PLXNC1: variants seen among roughly 807,000 people sequenced by gnomAD.
PLXNC1 encodes the protein plexin-C1.
In PLXNC1, 75 loss-of-function variants were observed where a neutral mutation model predicts 178.2. The ratio of observed to expected loss-of-function variants is 0.42; its 90% confidence interval spans 0.35 to 0.51. PLXNC1 has a LOEUF of 0.51. PLXNC1 is among the 20% of genes least tolerant of loss of function. The probability of loss-of-function intolerance (pLI) is 0.02; values close to 1 mark genes in which losing one functional copy is unlikely to be tolerated. For missense variants in PLXNC1, 1,503 were observed against 1,984.4 expected (o/e 0.76, Z 4.61); for synonymous variants, 790 against 779.9 (o/e 1.01, Z -0.22).
chr12:94,167,642 A>G (rs1961665996), intron 1 of PLXNC1, among the ~76,000 whole-genome samples: 1 of 152,146 alleles, frequency 6.6e-6, no homozygotes. Flanking sequence ...ACAGTGATCT[A>G]TTGTTCCAAC....
chr12:94,149,154 C>G lies in PLXNC1; in HGVS notation c.183C>G (p.Ser61Arg). ...ASQEDGVFVA[S>R]GSCLDQLDYS... is the part of the protein sequence containing the mutation. ...AGGAGGACGGCGTGTTTGTGGCGAG[C>G]GGCAGCTGCCTGGACCAGCTGGACT... The change falls in exon 1 of 31, where the codon AGC (serine) becomes AGG (arginine). Residue 61 changes from serine to arginine, a missense_variant. Coordinates refer to ENST00000258526, the MANE Select transcript of PLXNC1 (RefSeq NM_005761.3). 1 of 1,590,294 alleles carries G rather than the reference C, an allele frequency of 6.3e-7. No homozygotes were observed. Among genetic ancestry groups the G allele is most frequent in the Non-Finnish European group, 8.5e-7 (1 of 1,172,660 alleles).
At chr12:94,248,453 T>C in intron 14 of PLXNC1, 41 bp downstream of exon 14, 2 of 1,464,530 alleles carry the variant, frequency 1.4e-6, no homozygotes, top group Non-Finnish European at 1.9e-6. Flanking sequence ...TTTACCTGAT[T>C]TTTGTGATAA....
rs150959473 is a variant in PLXNC1 at position 94,197,469 on chromosome 12, C to T, written c.1439+10996C>T. Among the ~76,000 whole-genome samples the T allele has an allele frequency of 3.5e-3, 487 of 138,256 alleles. 6 individuals carry two copies. The highest frequency in any genetic ancestry group is 0.012 in the African/African-American group (470 of 39,332). The allele number at this position is 138,256 out of a possible 152,430, so 90.7% of individuals were successfully genotyped here. A position where few individuals can be genotyped will look rare whatever the true frequency, so the allele number is the denominator to read the frequency against. On this transcript the variant is annotated intron_variant, in intron 4 of 30. Transcript: ENST00000258526. ...TCTCTCTCTCTCTCTCTGTCTCTCT[C>T]TCCCTCGTGCTTTCTTGCCCTTCCA...
At chr12:94,170,123 C>T (rs1961784576) in intron 2 of PLXNC1, among the ~76,000 whole-genome samples, 2 of 152,204 alleles carry the variant, frequency 1.3e-5, no homozygotes, top group African/African-American at 4.8e-5. Context: ...TCCATTTACT[C>T]TCAGCTCAGA....
At chr12:94,203,347 T>A (rs1963198971) in intron 4 of PLXNC1, among the ~76,000 whole-genome samples, 1 of 152,218 alleles carries the variant, frequency 6.6e-6, no homozygotes, top group Non-Finnish European at 1.5e-5. Flanking sequence ...TCTACAAGGC[T>A]CTGAGAAGTC....
At chr12:94,262,159 C>T (rs909887366) in intron 20 of PLXNC1, among the ~76,000 whole-genome samples, 2 of 152,170 alleles carry the variant, frequency 1.3e-5, no homozygotes, top group Non-Finnish European at 2.9e-5. Flanking sequence ...TCAGAAGCTC[C>T]GGAAGTGGAG....
At chr12:94,233,674 C>A (rs912512719) in intron 9 of PLXNC1, among the ~76,000 whole-genome samples, 1 of 152,122 alleles carries the variant, frequency 6.6e-6, no homozygotes, top group African/African-American at 2.4e-5. Context: ...TACCGAGGGG[C>A]CCCCGTGAAA....
rs973071289 is a variant in PLXNC1, at chr12:94,237,782, C to G, written c.2099C>G (p.Thr700Ser). Residue 700 changes from threonine (T) to serine (S), a missense_variant, in exon 10 of 31, where the codon ACC becomes AGC. Thr to Ser is a moderately conservative substitution (Grantham distance 58). Coordinates refer to ENST00000258526, the MANE Select transcript of PLXNC1 (RefSeq NM_005761.3). ...AACATCACAATGATCCTGAAAGGAA[C>G]CAGTACCTGTGATAAGGATGTGTGA... ...ASNITMILKG[T>S]STCDKDVIQV... The G allele has an allele frequency of 1.9e-6, 3 of 1,613,710 alleles. No individual in the cohort carries two copies. The highest frequency in any genetic ancestry group is 2.5e-6 in the Non-Finnish European group (3 of 1,179,930).
chr12:94,216,268 CA>C (rs11368474), intron 5 of PLXNC1, among the ~76,000 whole-genome samples: 20 of 145,566 alleles, frequency 1.4e-4, no homozygotes, highest in Admixed American at 2.0e-4. Context: ...AACTGTGTCT[CA>C]AAAAAAAAAA....
At position 94,205,600 on chromosome 12, in the gene PLXNC1, G is replaced by A. The variant is rs950836121; in HGVS notation, c.1440-3990G>A. ...GAGTAGAATGGATTTCTAAGTCCAG[G>A]GCCGCCTGAAATTTTAACCTCTTGC... On this transcript the variant is annotated intron_variant, in intron 4 of 30. Coordinates refer to ENST00000258526, the MANE Select transcript of PLXNC1 (RefSeq NM_005761.3). Among the ~76,000 whole-genome samples the A allele has an allele frequency of 2.6e-5, 4 of 152,136 alleles. 1 individual carries two copies. Among genetic ancestry groups the A allele is most frequent in the South Asian group, 4.1e-4 (2 of 4,820 alleles).
intron 1 of PLXNC1, among the ~76,000 whole-genome samples, chr12:94,162,846 G>T (rs922660902): frequency 5.3e-5 from 8 of 152,166 alleles, no homozygotes; most frequent in African/African-American, 1.9e-4. Flanking sequence ...GATTTCAGTG[G>T]TTCTTAACAG....
intron 3 of PLXNC1, among the ~76,000 whole-genome samples, chr12:94,185,646 A>G (rs986236292): frequency 2.0e-5 from 3 of 151,982 alleles, no homozygotes; most frequent in Non-Finnish European, 4.4e-5. Flanking sequence ...TGTTTCTTTT[A>G]TTTTCAACTC....
intron 9 of PLXNC1, among the ~76,000 whole-genome samples, chr12:94,236,303 G>T (rs1002587713): frequency 6.6e-6 from 1 of 152,226 alleles, no homozygotes; most frequent in African/African-American, 2.4e-5. Context: ...GATGAGTGAT[G>T]GGGACGACTG....
intron 11 of PLXNC1, 84 bp downstream of exon 11, chr12:94,240,748 A>G: frequency 1.8e-6 from 2 of 1,099,962 alleles, no homozygotes; most frequent in Non-Finnish European, 2.6e-6. Flanking sequence ...AAGTAAATTC[A>G]GAAACAGTGG....
intron 3 of PLXNC1, among the ~76,000 whole-genome samples, chr12:94,184,770 T>C (rs1384804903): frequency 6.6e-6 from 1 of 152,174 alleles, no homozygotes. Flanking sequence ...TGAGTAATAG[T>C]TCTCAGAGAA....
chr12:94,301,297 A>G (rs991107552), intron 28 of PLXNC1, among the ~76,000 whole-genome samples: 3 of 152,200 alleles, frequency 2.0e-5, no homozygotes, highest in Non-Finnish European at 4.4e-5. Context: ...CCTGTGAAAA[A>G]CTTTATCACA....
intron 17 of PLXNC1, among the ~76,000 whole-genome samples, chr12:94,258,913 G>C (rs1281328505): frequency 6.6e-6 from 1 of 152,206 alleles, no homozygotes; most frequent in East Asian, 1.9e-4. Context: ...ATTGTGTATT[G>C]AAACAGTAGA....
chr12:94,262,556 G>A, intron 20 of PLXNC1: 1 of 985,484 alleles, frequency 1.0e-6, no homozygotes, highest in Non-Finnish European at 1.2e-6. Context: ...AGCACTCTGA[G>A]TGGTGAGGGG....
intron 9 of PLXNC1, 174 bp downstream of exon 9, chr12:94,227,409 A>G: frequency 3.9e-6 from 2 of 513,084 alleles, no homozygotes; most frequent in East Asian, 6.3e-5. Flanking sequence ...CAATACATCA[A>G]TGGCTGGACA....
Sources: gnomAD v4.1 joint callset for allele counts (sites outside exome capture counted in the v4.1 genomes callset) on GRCh38, gnomAD v4.1.1 for gene constraint, MANE v1.5 for transcripts, NCBI Gene and HGNC (gene_info 2026-07-23, HGNC 2026-07-21) for gene names.